Variants in STAU2 observed in about 807,000 individuals in gnomAD.
STAU2 encodes staufen double-stranded RNA binding protein 2.
A neutral mutation model predicts 65.9 loss-of-function variants in STAU2; 20 were observed. The ratio of observed to expected loss-of-function variants is 0.30; its 90% CI spans 0.21 to 0.44. STAU2 has a LOEUF of 0.44. Among genes scored for constraint, STAU2 ranks in the 20% least tolerant of loss-of-function variants. STAU2 has a pLI of 1.00. For missense variants in STAU2, 558 were observed against 683.9 expected, an observed-to-expected ratio of 0.82 and a Z score of 2.05; for synonymous variants, 232 against 233.9, an observed-to-expected ratio of 0.99 and a Z score of 0.07.
In STAU2 at chr8:73,462,040, T is replaced by A. The variant is rs187344675; in HGVS notation, c.1531-39338A>T. ...TATAGAATGACTTTTTGTTCACATC[T>A]ATCGGTAAAAAAATTTCACCTATTT... On this transcript the variant is annotated intron_variant, in intron 13 of 14. Transcript: ENST00000524300. Among the ~76,000 whole-genome samples, 331 of 151,976 alleles carry A rather than the reference T, an allele frequency of 2.2e-3. 4 individuals carry two copies. Among genetic ancestry groups the A allele is most frequent in the Admixed American group, 0.02 (311 of 15,252 alleles).
intron 12 of STAU2, among the ~76,000 whole-genome samples, chr8:73,572,959 A>T (rs537678340): frequency 4.5e-4 from 68 of 152,322 alleles, no homozygotes; most frequent in Admixed American, 1.1e-3. Flanking sequence ...AGGAAGTCAA[A>T]TTGTCCCTGT....
At chr8:73,636,725 T>C (rs1814542975) in intron 6 of STAU2, among the ~76,000 whole-genome samples, 2 of 151,824 alleles carry the variant, frequency 1.3e-5, no homozygotes, top group African/African-American at 4.8e-5. Flanking sequence ...TAGCCGAGTG[T>C]GGTGGCACAC....
At chr8:73,439,335 G>C (rs1817950454) in intron 13 of STAU2, 1 of 295,460 alleles carries the variant, frequency 3.4e-6, no homozygotes, top group South Asian at 3.1e-5. Flanking sequence ...GCTAAGATTT[G>C]ACTGGGCATG....
intron 3 of STAU2, among the ~76,000 whole-genome samples, chr8:73,730,907 A>T (rs1426894627): frequency 6.6e-6 from 1 of 152,060 alleles, no homozygotes; most frequent in Non-Finnish European, 1.5e-5. Context: ...GCATTTTTTG[A>T]CTGAATGACA....
At chr8:73,692,753 C>T (rs1156411714) in intron 4 of STAU2, among the ~76,000 whole-genome samples, 1 of 152,152 alleles carries the variant, frequency 6.6e-6, no homozygotes, top group Non-Finnish European at 1.5e-5. Context: ...CTGCACTAAC[C>T]GTGGGCAGTT....
At chr8:73,631,545 T>C (rs758125620) in intron 6 of STAU2, among the ~76,000 whole-genome samples, 1 of 152,154 alleles carries the variant, frequency 6.6e-6, no homozygotes, top group Non-Finnish European at 1.5e-5. Context: ...ATTACTACAA[T>C]TTTTAAAAAT....
chr8:73,426,306 T>G (rs930572213), intron 13 of STAU2, among the ~76,000 whole-genome samples: 4 of 152,232 alleles, frequency 2.6e-5, no homozygotes, highest in Non-Finnish European at 5.9e-5. Context: ...CATTTCTTTT[T>G]GTTGGGTTCA....
chr8:73,585,358 T>G (rs1430582198), intron 11 of STAU2, among the ~76,000 whole-genome samples: 5 of 152,162 alleles, frequency 3.3e-5, no homozygotes, highest in African/African-American at 1.2e-4. Flanking sequence ...CCCATGCCGG[T>G]AATCCCAGAT....
intron 3 of STAU2, among the ~76,000 whole-genome samples, chr8:73,720,682 T>G (rs1321586595): frequency 8.7e-6 from 1 of 115,020 alleles, no homozygotes; most frequent in African/African-American, 3.7e-5. Flanking sequence ...CCGGCTAATT[T>G]TTTGTATTTT....
chr8:73,551,315 A>T (rs1807319340), intron 13 of STAU2: 1 of 987,482 alleles, frequency 1.0e-6, no homozygotes, highest in Non-Finnish European at 1.2e-6. Flanking sequence ...ATACACAACA[A>T]GTTAAGTTAA....
intron 12 of STAU2, among the ~76,000 whole-genome samples, chr8:73,572,128 G>A (rs372349399): frequency 6.6e-5 from 10 of 152,136 alleles, no homozygotes; most frequent in Admixed American, 4.6e-4. Flanking sequence ...ACACCTCTAC[G>A]CAAATAAACT....
chr8:73,563,033 G>A (rs1229442486), intron 12 of STAU2, among the ~76,000 whole-genome samples: 1 of 151,926 alleles, frequency 6.6e-6, no homozygotes, highest in Non-Finnish European at 1.5e-5. Flanking sequence ...TCACTTTTTA[G>A]AACCAGGAAA....
chr8:73,627,727 C>T (rs1223988309), intron 6 of STAU2, among the ~76,000 whole-genome samples: 1 of 148,160 alleles, frequency 6.7e-6, no homozygotes, highest in Non-Finnish European at 1.5e-5. Context: ...AATGGGAACA[C>T]GGCTAGTAAA....
At position 73,474,895 on chromosome 8, in the gene STAU2, A is replaced by C. The variant is rs559847697; in HGVS notation, c.1531-52193T>G. On this transcript the variant is annotated intron_variant, in intron 13 of 14. Coordinates refer to ENST00000524300, the MANE Select transcript of STAU2 (RefSeq NM_001164380.2). Reference sequence around the variant, plus strand: ...CATAGCTAAAATCTAGAAAGGTTACATAAATTATGAGACAGCCACATAACT... The same window carrying C: ...CATAGCTAAAATCTAGAAAGGTTACCTAAATTATGAGACAGCCACATAACT... 5.9e-5 allele frequency among the ~76,000 whole-genome samples: 9 copies of C among 152,354 alleles called. No homozygotes were observed. The East Asian group carries it at 1.5e-3, about 26-fold the overall frequency.
intron 1 of STAU2, among the ~76,000 whole-genome samples, chr8:73,743,326 A>T (rs1586398889): frequency 1.3e-5 from 2 of 151,858 alleles, no homozygotes; most frequent in East Asian, 1.9e-4. Flanking sequence ...TCATCTTGGG[A>T]TGTAGGCATT....
intron 1 of STAU2, among the ~76,000 whole-genome samples, chr8:73,741,301 T>C (rs1248924169): frequency 1.4e-5 from 1 of 73,616 alleles, no homozygotes. Context: ...CAAGACTCCG[T>C]CTCAAAAAAA....
chr8:73,683,500 T>C (rs1818575914), intron 5 of STAU2, among the ~76,000 whole-genome samples: 1 of 152,042 alleles, frequency 6.6e-6, no homozygotes, highest in East Asian at 1.9e-4. Flanking sequence ...ATAGCCAACG[T>C]TATACTGAAC....
intron 6 of STAU2, chr8:73,669,058 T>C (rs1386973867): frequency 4.3e-6 from 3 of 698,492 alleles, no homozygotes; most frequent in South Asian, 3.0e-5. Flanking sequence ...GGAAAAGACA[T>C]CTCCTTGGAT....
chr8:73,472,795 C>T (rs1031117594), intron 13 of STAU2, among the ~76,000 whole-genome samples: 5 of 152,012 alleles, frequency 3.3e-5, no homozygotes, highest in African/African-American at 7.3e-5. Context: ...AACCCACCTT[C>T]GGCTGTATTA....
Sources: gnomAD v4.1 joint callset for allele counts (sites outside exome capture counted in the v4.1 genomes callset) on GRCh38, gnomAD v4.1.1 for gene constraint, MANE v1.5 for transcripts, NCBI Gene and HGNC (gene_info 2026-07-23, HGNC 2026-07-21) for gene names.